TNFRSF8: variants seen among roughly 807,000 people sequenced by gnomAD.
TNFRSF8 encodes TNF receptor superfamily member 8.
Under a neutral mutation model 70.8 loss-of-function variants are expected in TNFRSF8, and 26 were observed. The observed-to-expected ratio is 0.37, with a 90% confidence interval of 0.27 to 0.51. The LOEUF is 0.51. Ranked by LOEUF, TNFRSF8 falls within the 20% of genes least tolerant of loss-of-function variation. The pLI, the probability that TNFRSF8 is intolerant of heterozygous loss-of-function variation, is 0.94. For synonymous variants in TNFRSF8, 356 were observed against 339.2 expected, an observed-to-expected ratio of 1.05 and a Z score of -0.54; for missense variants, 720 against 807.9, an observed-to-expected ratio of 0.89 and a Z score of 1.32.
In TNFRSF8 at chr1:12,108,320, C is replaced by T. The variant is rs1339790644; in HGVS notation, c.422-1246C>T. On this transcript the variant is annotated intron_variant, in intron 4 of 14. Transcript: ENST00000263932. The surrounding 1 kb of genome is among the most constrained non-coding windows in gnomAD (Gnocchi z 4.0). ...GTCTCGAACTCCTGACCTCATGATC[C>T]GCCCACCTCGGCCTCCCAAAGTGTT... 2.0e-5 allele frequency among the ~76,000 whole-genome samples: 3 copies of T among 151,740 alleles called. No individual in the cohort carries two copies. Among genetic ancestry groups the T allele is most frequent in the East Asian group, 2.0e-4 (1 of 5,108 alleles).
rs1011428694 is a variant in TNFRSF8, at chr1:12,121,027, T to C, written c.947-2257T>C. Among the ~76,000 whole-genome samples, 11 of 152,284 alleles carry C rather than the reference T, an allele frequency of 7.2e-5. 1 individual carries two copies. The East Asian group carries it at 2.1e-3, about 29-fold the overall frequency. Reference sequence around the variant, plus strand: ...CTGCCTTGGAGAGCAGGCAGGGGGCTCTCTCCTCATGATGCTGACTGGGAA... The same window carrying C: ...CTGCCTTGGAGAGCAGGCAGGGGGCCCTCTCCTCATGATGCTGACTGGGAA... On this transcript the variant is annotated intron_variant, in intron 8 of 14. Transcript: ENST00000263932.
At chr1:12,133,049 A>G (rs1315885312) in intron 12 of TNFRSF8, among the ~76,000 whole-genome samples, 2 of 152,012 alleles carry the variant, frequency 1.3e-5, no homozygotes, top group African/African-American at 4.8e-5. Context: ...AAGCGGCCTC[A>G]TTGTTTTTGA....
chr1:12,123,806 G>A lies in TNFRSF8; in HGVS notation c.1132G>A (p.Gly378Arg). 6.4e-7 allele frequency: 1 copy of A among 1,571,774 alleles called. No homozygotes were observed. Among genetic ancestry groups the A allele is most frequent in the Admixed American group, 1.9e-5 (1 of 53,990 alleles). The change falls in exon 10 of 15, where the codon GGG (glycine) becomes AGG (arginine). Residue 378 changes from glycine (G) to arginine (R), a missense_variant. By Grantham distance (125) the Gly-to-Arg change is moderately radical (BLOSUM62 -2). Transcript: ENST00000263932. ...TSAPVALSST[G>R]KPVLDAGPVL... The stretch of plus-strand genomic sequence containing the variant: ...CGCTCCCGTCGCTCTCTCCTCCACG[G>A]GGAAGCCCGTTCTGGATGCAGGTAA...
rs1173595092 is a variant in TNFRSF8, at chr1:12,141,470, A to G, written c.1544-817A>G. Among the ~76,000 whole-genome samples the G allele has an allele frequency of 6.6e-6, 1 of 152,228 alleles. No homozygotes were observed. Among genetic ancestry groups the G allele is most frequent in the African/African-American group, 2.4e-5 (1 of 41,458 alleles). On this transcript the variant is annotated intron_variant, in intron 14 of 14. Coordinates refer to ENST00000263932, the MANE Select transcript of TNFRSF8 (RefSeq NM_001243.5). The surrounding 1 kb of genome is among the most constrained non-coding windows in gnomAD (Gnocchi z 5.4). The stretch of plus-strand genomic sequence containing the variant: ...GGACCGGCCCTCCGTCCAAGCTCCC[A>G]CCATGTGCTCACAGCACAGCCATGC...
In TNFRSF8 at chr1:12,138,362, C is replaced by G; in HGVS notation, c.1469C>G (p.Pro490Arg). Residue 490 changes from proline (P) to arginine (R), a missense_variant, in exon 14 of 15, where the codon CCG (proline) becomes CGG (arginine). By Grantham distance (103) the Pro-to-Arg change is moderately radical. Transcript: ENST00000263932. This position sits in a 1 kb window ranked among gnomAD's most constrained non-coding sequence, Gnocchi z 5.7. The part of the protein sequence containing the change: ...LESLPLQDAS[P>R]AGGPSSPRDL... ...AGCCTGCCGCTGCAGGATGCCAGCC[C>G]GGCCGGGGGCCCCTCGTCCCCCAGG... 2 of 1,613,656 alleles carry G rather than the reference C, an allele frequency of 1.2e-6. No homozygotes were observed. The highest frequency in any genetic ancestry group is 1.7e-6 in the Non-Finnish European group (2 of 1,179,880).
chr1:12,115,778 C>T (rs1043391417), intron 8 of TNFRSF8, 49 bp downstream of exon 8: 8 of 1,595,760 alleles, frequency 5.0e-6, no homozygotes, highest in Non-Finnish European at 6.8e-6. Flanking sequence ...AGTCTGTGCC[C>T]CCACTGTTGT....
At position 12,122,371 on chromosome 1, in the gene TNFRSF8, G is replaced by T. The variant is rs750669257; in HGVS notation, c.947-913G>T. ...GTATATAAATGTTGCCTTAGGCTGG[G>T]CATGGTGGCTCACGCCTACGATCCC... On this transcript the variant is annotated intron_variant, in intron 8 of 14. Coordinates refer to ENST00000263932, the MANE Select transcript of TNFRSF8 (RefSeq NM_001243.5). 7.5e-4 allele frequency among the ~76,000 whole-genome samples: 114 copies of T among 152,038 alleles called. 1 individual carries two copies. Among genetic ancestry groups the T allele is most frequent in the Non-Finnish European group, 1.1e-3 (77 of 67,962 alleles).
At chr1:12,084,161 C>G (rs537503830) in intron 1 of TNFRSF8, among the ~76,000 whole-genome samples, 1 of 151,966 alleles carries the variant, frequency 6.6e-6, no homozygotes. Context: ...AATCCCAGGG[C>G]AAGGGGATGG....
intron 1 of TNFRSF8, among the ~76,000 whole-genome samples, chr1:12,074,873 C>T (rs747848262): frequency 5.9e-5 from 9 of 151,820 alleles, no homozygotes; most frequent in Non-Finnish European, 1.3e-4. Context: ...ACTGTAACCT[C>T]GAATTCTTGG....
In TNFRSF8 at chr1:12,113,895, G is replaced by A. The variant is rs1394275563; in HGVS notation, c.794-1682G>A. 6.6e-6 allele frequency among the ~76,000 whole-genome samples: 1 copy of A among 152,218 alleles called. No individual in the cohort carries two copies. The highest frequency in any genetic ancestry group is 1.5e-5 in the Non-Finnish European group (1 of 68,048). ...AACCACAAATGTCACTTGAGACCAA[G>A]GGAAGGAAAACAGTTGTACTTCTTG... On this transcript the variant is annotated intron_variant, in intron 7 of 14. Transcript: ENST00000263932. This position sits in a 1 kb window ranked among gnomAD's most constrained non-coding sequence, Gnocchi z 4.9.
At chr1:12,067,611 A>G (rs1640764148) in intron 1 of TNFRSF8, among the ~76,000 whole-genome samples, 1 of 151,524 alleles carries the variant, frequency 6.6e-6, no homozygotes, top group South Asian at 2.1e-4. Context: ...ATCGCTTGAA[A>G]CCAGAAGGCG....
intron 1 of TNFRSF8, among the ~76,000 whole-genome samples, chr1:12,081,545 C>T (rs1203992557): frequency 6.6e-6 from 1 of 151,890 alleles, no homozygotes; most frequent in East Asian, 1.9e-4. Flanking sequence ...CCTCAAGGCC[C>T]GGGGCTCTGG....
In TNFRSF8 at chr1:12,069,170, C is replaced by CT. The variant is rs57009728; in HGVS notation, c.63+5536dup. On this transcript the variant is annotated intron_variant, in intron 1 of 14. Coordinates refer to ENST00000263932, the MANE Select transcript of TNFRSF8 (RefSeq NM_001243.5). ...ACAGGCATGAGCCACTGCACCCGGC[C>CT]TTTTTTTTTTTTTTTTTTTTTTTTT... Among the ~76,000 whole-genome samples the CT allele has an allele frequency of 4.0e-3, 216 of 53,584 alleles. 26 individuals are homozygous for CT. Among genetic ancestry groups the CT allele is most frequent in the Admixed American group, 6.5e-3 (21 of 3,210 alleles). 35.2% of individuals were successfully genotyped at this position (53,584 alleles called of 152,430 possible). A position where few individuals can be genotyped will look rare whatever the true frequency, so the allele number is the denominator to read the frequency against.
chr1:12,068,236 G>A (rs1338475100), intron 1 of TNFRSF8, among the ~76,000 whole-genome samples: 1 of 152,172 alleles, frequency 6.6e-6, no homozygotes, highest in Non-Finnish European at 1.5e-5. Flanking sequence ...GAGTCCTGGA[G>A]GCTTGAGGGT....
At chr1:12,105,573 T>A (rs867352954) in intron 4 of TNFRSF8, among the ~76,000 whole-genome samples, 13 of 147,464 alleles carry the variant, frequency 8.8e-5, no homozygotes, top group South Asian at 2.2e-4. Context: ...TCTCTCTGTC[T>A]CACACACACA....
At chr1:12,122,453 C>G (rs891928410) in intron 8 of TNFRSF8, among the ~76,000 whole-genome samples, 1 of 151,802 alleles carries the variant, frequency 6.6e-6, no homozygotes, top group Non-Finnish European at 1.5e-5. Flanking sequence ...TCGAGACCAG[C>G]CTGGTCAACA....
intron 1 of TNFRSF8, among the ~76,000 whole-genome samples, chr1:12,075,394 C>A (rs1640926187): frequency 6.6e-6 from 1 of 152,074 alleles, no homozygotes; most frequent in African/African-American, 2.4e-5. Flanking sequence ...CCGTGTTCTG[C>A]CTATCATCTG....
Position 12,096,992 on chromosome 1 carries a change from G to T in TNFRSF8, c.152-109G>T, listed in dbSNP as rs1641342026. The T allele has an allele frequency of 2.5e-5, 19 of 770,792 alleles. 1 individual carries two copies. In the South Asian group the frequency reaches 3.2e-4, roughly 13 times the overall value. 47.7% of individuals were successfully genotyped at this position (770,792 alleles called of 1,614,324 possible). On this transcript the variant is annotated intron_variant, in intron 2 of 14. Transcript: ENST00000263932. ...AGAATTGGACTGACAGTTTTCGGGG[G>T]TTGGAGGTGGAGCTGGGAGGGGCGT...
chr1:12,079,151 G>C (rs1223303413), intron 1 of TNFRSF8, among the ~76,000 whole-genome samples: 1 of 152,214 alleles, frequency 6.6e-6, no homozygotes, highest in Non-Finnish European at 1.5e-5. Context: ...GTATGGTCCG[G>C]CTGAGACCAG....
Sources: allele counts gnomAD v4.1 joint callset (sites outside exome capture counted in the v4.1 genomes callset), GRCh38; gene constraint gnomAD v4.1.1; non-coding constraint Gnocchi (gnomAD v3.1); transcripts MANE v1.5; gene names NCBI Gene and HGNC (gene_info 2026-07-23, HGNC 2026-07-21).